Variants in PLXDC2 observed in about 807,000 individuals in gnomAD.
PLXDC2 encodes plexin domain-containing protein 2.
Under a neutral mutation model 68.9 loss-of-function variants are expected in PLXDC2, and 40 were observed. The observed-to-expected ratio is 0.58, with a 90% confidence interval of 0.45 to 0.76. The LOEUF is 0.76. Among genes scored for constraint, PLXDC2 ranks in the 30% least tolerant of loss-of-function variants. The pLI is 0.00. For missense variants in PLXDC2, 644 were observed against 661.9 expected (o/e 0.97, Z 0.30); for synonymous variants, 243 against 234.2 (o/e 1.04, Z -0.34).
chr10:19,896,643 G>A (rs67212739), intron 1 of PLXDC2, among the ~76,000 whole-genome samples: 21,933 of 152,102 alleles, frequency 0.14, 2,368 homozygotes, highest in African/African-American at 0.31. Flanking sequence ...CTTCGTGGAT[G>A]GCAGTTCTGC....
At chr10:19,958,730 T>G (rs372629605) in intron 1 of PLXDC2, among the ~76,000 whole-genome samples, 6 of 152,198 alleles carry the variant, frequency 3.9e-5, no homozygotes, top group Non-Finnish European at 8.8e-5. Context: ...AATTTTATCT[T>G]AAATTAGGTA....
intron 1 of PLXDC2, among the ~76,000 whole-genome samples, chr10:19,827,728 T>C (rs1371700168): frequency 6.6e-6 from 1 of 152,038 alleles, no homozygotes; most frequent in Non-Finnish European, 1.5e-5. Context: ...CCGGCTAATT[T>C]GTGTATTTTT....
chr10:19,818,951 G>GA (rs144642871), intron 1 of PLXDC2, among the ~76,000 whole-genome samples: 38 of 146,998 alleles, frequency 2.6e-4, no homozygotes, highest in Middle Eastern at 3.5e-3. Context: ...TGCAGTAAAG[G>GA]AAAAAAAAAT....
At chr10:20,120,656 C>T (rs6482097) in intron 4 of PLXDC2, among the ~76,000 whole-genome samples, 41,189 of 151,892 alleles carry the variant, frequency 0.27, 7,934 homozygotes, top group African/African-American at 0.54. Context: ...TTATCTGACT[C>T]GGGGCATATT....
At chr10:19,943,923 T>G (rs1481671644) in intron 1 of PLXDC2, among the ~76,000 whole-genome samples, 1 of 152,236 alleles carries the variant, frequency 6.6e-6, no homozygotes, top group Non-Finnish European at 1.5e-5. Flanking sequence ...GAACATCACT[T>G]GCCATATTTG....
intron 7 of PLXDC2, among the ~76,000 whole-genome samples, chr10:20,174,309 T>TA (rs144690233): frequency 0.047 from 6,487 of 138,860 alleles, 446 homozygotes; most frequent in African/African-American, 0.15. Context: ...TCTTAAAAAC[T>TA]AAAAAAAAAA....
At chr10:20,074,759 G>A (rs965386441) in intron 4 of PLXDC2, among the ~76,000 whole-genome samples, 4 of 152,114 alleles carry the variant, frequency 2.6e-5, no homozygotes, top group Non-Finnish European at 4.4e-5. Flanking sequence ...TGATTGATTT[G>A]TAAATACCAA....
chr10:19,986,745 A>G (rs1834648544), intron 1 of PLXDC2, among the ~76,000 whole-genome samples: 1 of 152,196 alleles, frequency 6.6e-6, no homozygotes, highest in Admixed American at 6.5e-5. Flanking sequence ...GCCATTCCTT[A>G]TAAGCAGTAT....
chr10:20,201,525 A>G (rs1405472225), intron 9 of PLXDC2, among the ~76,000 whole-genome samples: 4 of 151,934 alleles, frequency 2.6e-5, no homozygotes, highest in African/African-American at 9.7e-5. Context: ...CTATATAACA[A>G]TATAACATAT....
intron 4 of PLXDC2, among the ~76,000 whole-genome samples, chr10:20,096,496 A>G (rs893087551): frequency 3.9e-5 from 6 of 152,090 alleles, no homozygotes; most frequent in Admixed American, 1.3e-4. Context: ...GAGTATTTAA[A>G]CAGCCAGCAG....
In PLXDC2 at chr10:20,256,432, C is replaced by T. The variant is rs116249148; in HGVS notation, c.1473+10927C>T. ...ACAGGAGTGAGCCACCACACCAGGCCCCCCAAACTTTTTTTTAACACTGAG... is the reference window on the plus strand; with the variant it reads ...ACAGGAGTGAGCCACCACACCAGGCTCCCCAAACTTTTTTTTAACACTGAG... On this transcript the variant is annotated intron_variant, in intron 13 of 13. Coordinates refer to ENST00000377252, the MANE Select transcript of PLXDC2 (RefSeq NM_032812.9). Among the ~76,000 whole-genome samples the T allele has an allele frequency of 3.4e-3, 388 of 114,514 alleles. 1 individual carries two copies. The highest frequency in any genetic ancestry group is 0.011 in the African/African-American group (375 of 35,432). 75.1% of individuals were successfully genotyped at this position (114,514 alleles called of 152,430 possible).
At position 20,271,168 on chromosome 10, in the gene PLXDC2, C is replaced by T. The variant is rs367683121; in HGVS notation, c.1474-8535C>T. 1.4e-4 allele frequency among the ~76,000 whole-genome samples: 22 copies of T among 151,758 alleles called. 1 individual carries two copies. The highest frequency in any genetic ancestry group is 4.8e-4 in the African/African-American group (20 of 41,348). ...ACACACACACACACACACACACAAACAGAGCAAGATGCAAGAAAATATACC... is the reference window on the plus strand; with the variant it reads ...ACACACACACACACACACACACAAATAGAGCAAGATGCAAGAAAATATACC... On this transcript the variant is annotated intron_variant, in intron 13 of 13. Coordinates refer to ENST00000377252, the MANE Select transcript of PLXDC2 (RefSeq NM_032812.9).
At chr10:20,234,663 C>CTTTTTTTTT (rs58791520) in intron 12 of PLXDC2, among the ~76,000 whole-genome samples, 16 of 125,352 alleles carry the variant, frequency 1.3e-4, no homozygotes, top group African/African-American at 1.8e-4. Context: ...GGGTTTCTTT[C>CTTTTTTTTT]TTTTTTTTTT....
intron 2 of PLXDC2, among the ~76,000 whole-genome samples, chr10:20,044,075 G>A (rs922324820): frequency 1.4e-4 from 10 of 71,630 alleles, no homozygotes; most frequent in Non-Finnish European, 1.6e-4. Flanking sequence ...ATAGACTTGC[G>A]CAGGGATCTG....
intron 3 of PLXDC2, among the ~76,000 whole-genome samples, chr10:20,057,482 C>T (rs910921530): frequency 6.6e-6 from 1 of 152,002 alleles, no homozygotes; most frequent in Admixed American, 6.6e-5. Context: ...GCAAAATGGC[C>T]AGGTTTCTAT....
rs180933943 is a variant in PLXDC2, at chr10:20,133,899, A to G, written c.542-9396A>G. Among the ~76,000 whole-genome samples the G allele has an allele frequency of 5.9e-5, 9 of 152,296 alleles. No homozygotes were observed. In the South Asian group the frequency reaches 6.2e-4, roughly 11 times the overall value. On this transcript the variant is annotated intron_variant, in intron 4 of 13. Coordinates refer to ENST00000377252, the MANE Select transcript of PLXDC2 (RefSeq NM_032812.9). Reference sequence around the variant, plus strand: ...GTAGGCTTTCTTTACTCTTTTAAAAATTCTTTTGTTGTTGCTCCTCTTACC... The same window carrying G: ...GTAGGCTTTCTTTACTCTTTTAAAAGTTCTTTTGTTGTTGCTCCTCTTACC...
chr10:19,897,017 C>G (rs74122108), intron 1 of PLXDC2, among the ~76,000 whole-genome samples: 5,716 of 150,910 alleles, frequency 0.038, 332 homozygotes, highest in African/African-American at 0.13. Flanking sequence ...GAAATTTTAC[C>G]CATTTCTTTA....
intron 2 of PLXDC2, among the ~76,000 whole-genome samples, chr10:20,024,532 T>C (rs551518405): frequency 8.5e-5 from 13 of 152,200 alleles, no homozygotes; most frequent in Non-Finnish European, 1.6e-4. Flanking sequence ...GTAATAAACT[T>C]TTTTTCCAGA....
intron 2 of PLXDC2, among the ~76,000 whole-genome samples, chr10:20,033,639 TC>T (rs1367549837): frequency 6.6e-6 from 1 of 152,056 alleles, no homozygotes; most frequent in East Asian, 1.9e-4. Context: ...TGGGGTAACT[TC>T]CCTTTATAAA....
Sources: gnomAD v4.1 joint callset for allele counts (sites outside exome capture counted in the v4.1 genomes callset) on GRCh38, gnomAD v4.1.1 for gene constraint, MANE v1.5 for transcripts, NCBI Gene and HGNC (gene_info 2026-07-23, HGNC 2026-07-21) for gene names.